The following TNFRSF19 variants were observed in gnomAD, a reference collection of about 807,000 sequenced individuals.
TNFRSF19 encodes the protein tumor necrosis factor receptor superfamily member 19.
TNFRSF19 carries 27 observed loss-of-function variants against 46.4 expected under a neutral mutation model. That is an observed-to-expected ratio of 0.58 (90% CI 0.43 to 0.80). The LOEUF is 0.80. Among genes scored for constraint, TNFRSF19 ranks in the 30% least tolerant of loss-of-function variants. The pLI, the probability that TNFRSF19 is intolerant of heterozygous loss-of-function variation, is 0.00. For synonymous variants in TNFRSF19, 204 were observed against 205.0 expected (o/e 1.00, Z 0.04); for missense variants, 511 against 530.8 (o/e 0.96, Z 0.37).
At chr13:23,613,169 T>C (rs1322830375) in intron 3 of TNFRSF19, among the ~76,000 whole-genome samples, 1 of 152,264 alleles carries the variant, frequency 6.6e-6, no homozygotes, top group Non-Finnish European at 1.5e-5. Context: ...AGTTGGTTTA[T>C]TTATTGGATT....
chr13:23,633,465 G>A (rs1396350005), intron 5 of TNFRSF19, among the ~76,000 whole-genome samples: 1 of 152,160 alleles, frequency 6.6e-6, no homozygotes, highest in African/African-American at 2.4e-5. Flanking sequence ...ACCCTCTCAA[G>A]GTTATTTGCT....
intron 5 of TNFRSF19, among the ~76,000 whole-genome samples, chr13:23,628,326 C>A (rs893097284): frequency 6.6e-6 from 1 of 152,198 alleles, no homozygotes. Context: ...CGCTAAAAAT[C>A]TAACATGTCA....
At chr13:23,644,332 A>G (rs1883198881) in intron 5 of TNFRSF19, among the ~76,000 whole-genome samples, 1 of 152,194 alleles carries the variant, frequency 6.6e-6, no homozygotes, top group African/African-American at 2.4e-5. Flanking sequence ...TAACTGAATC[A>G]TGGGGGCAGT....
chr13:23,612,382 T>A (rs1381389510), intron 3 of TNFRSF19, among the ~76,000 whole-genome samples: 1 of 152,246 alleles, frequency 6.6e-6, no homozygotes, highest in African/African-American at 2.4e-5. Context: ...AGTATTTATA[T>A]GTAGTTTACT....
intron 4 of TNFRSF19, among the ~76,000 whole-genome samples, chr13:23,621,647 CA>C (rs1881661239): frequency 6.6e-6 from 1 of 152,136 alleles, no homozygotes; most frequent in Non-Finnish European, 1.5e-5. Flanking sequence ...ACACTGTGTT[CA>C]TTAGGCTAAC....
chr13:23,588,185 A>G (rs909115254), intron 1 of TNFRSF19, among the ~76,000 whole-genome samples: 1 of 152,208 alleles, frequency 6.6e-6, no homozygotes, highest in Non-Finnish European at 1.5e-5. Flanking sequence ...AGGTACTATC[A>G]TTCTGCCCCA....
At chr13:23,587,579 G>C (rs1404507386) in intron 1 of TNFRSF19, among the ~76,000 whole-genome samples, 1 of 152,104 alleles carries the variant, frequency 6.6e-6, no homozygotes, top group Non-Finnish European at 1.5e-5. Flanking sequence ...TCTCTCATCA[G>C]TTTTGTTGAG....
chr13:23,627,126 C>T (rs560364427), intron 5 of TNFRSF19, among the ~76,000 whole-genome samples: 1 of 152,256 alleles, frequency 6.6e-6, no homozygotes, highest in African/African-American at 2.4e-5. Context: ...CTTAGGTCTT[C>T]GTGCCCTGGC....
chr13:23,672,873 C>T (rs1432929631), intron 9 of TNFRSF19, among the ~76,000 whole-genome samples: 1 of 152,166 alleles, frequency 6.6e-6, no homozygotes, highest in East Asian at 1.9e-4. Flanking sequence ...AATCTTATTC[C>T]CAACTATTTC....
chr13:23,594,711 C>T (rs553145092), intron 3 of TNFRSF19, among the ~76,000 whole-genome samples: 3 of 152,346 alleles, frequency 2.0e-5, no homozygotes, highest in Admixed American at 2.0e-4. Context: ...ACGTTCCTGC[C>T]TGCCAGTTCT....
At chr13:23,571,990 C>A (rs921205774) in intron 1 of TNFRSF19, among the ~76,000 whole-genome samples, 1 of 151,880 alleles carries the variant, frequency 6.6e-6, no homozygotes, top group Non-Finnish European at 1.5e-5. Context: ...GACCAGTTAT[C>A]CTTTAGTCTG....
chr13:23,595,136 T>G (rs1490966765), intron 3 of TNFRSF19, among the ~76,000 whole-genome samples: 1 of 152,082 alleles, frequency 6.6e-6, no homozygotes, highest in Non-Finnish European at 1.5e-5. Context: ...GGTAGATAAA[T>G]CCACAAAGAT....
At chr13:23,592,262 A>G (rs1879362953) in intron 2 of TNFRSF19, among the ~76,000 whole-genome samples, 1 of 152,154 alleles carries the variant, frequency 6.6e-6, no homozygotes, top group African/African-American at 2.4e-5. Context: ...TAAGATTTTC[A>G]GCTTCCATTA....
In TNFRSF19 at chr13:23,673,496, C is replaced by A; in HGVS notation, c.*116C>A. ...CATGGCTTCTGGGGCAAAAATAAAT[C>A]TGAACCAAACTGACGGCATTTGAAG... On this transcript the variant is annotated 3_prime_UTR_variant, in exon 10 of 10. Transcript: ENST00000248484. The A allele has an allele frequency of 7.2e-7, 1 of 1,390,964 alleles. No individual in the cohort carries two copies. Among genetic ancestry groups the A allele is most frequent in the Non-Finnish European group, 9.4e-7 (1 of 1,060,362 alleles). The allele number at this position is 1,390,964 out of a possible 1,614,324, so 86.2% of individuals were successfully genotyped here. A position where few individuals can be genotyped will look rare whatever the true frequency, so the allele number is the denominator to read the frequency against.
intron 5 of TNFRSF19, among the ~76,000 whole-genome samples, chr13:23,657,068 A>G (rs959306399): frequency 4.6e-5 from 7 of 152,208 alleles, no homozygotes; most frequent in Non-Finnish European, 1.0e-4. Context: ...TTTTGTGAAT[A>G]TTAAACATGT....
chr13:23,591,749 C>T (rs1402144302), intron 2 of TNFRSF19, among the ~76,000 whole-genome samples: 10 of 135,428 alleles, frequency 7.4e-5, no homozygotes, highest in African/African-American at 8.6e-5. Flanking sequence ...TTTTTTGAGA[C>T]GAAGTTTCGC....
At chr13:23,596,916 A>G (rs879896690) in intron 3 of TNFRSF19, among the ~76,000 whole-genome samples, 9 of 152,224 alleles carry the variant, frequency 5.9e-5, no homozygotes, top group African/African-American at 9.6e-5. Context: ...CCACAGTGCA[A>G]TCAAATTAGA....
chr13:23,588,271 A>G (rs1286068097), intron 1 of TNFRSF19, among the ~76,000 whole-genome samples: 1 of 152,202 alleles, frequency 6.6e-6, no homozygotes, highest in Non-Finnish European at 1.5e-5. Context: ...AGTGGTCTCA[A>G]TAACAACAGC....
At position 23,660,372 on chromosome 13, in the gene TNFRSF19, G is replaced by T. The variant is rs1884279509; in HGVS notation, c.618G>T (p.Leu206=). 1 of 1,613,676 alleles carries T rather than the reference G, an allele frequency of 6.2e-7. No homozygotes were observed. The highest frequency in any genetic ancestry group is 1.1e-5 in the South Asian group (1 of 90,990). ...TTCTCACCCCTCATTTAGGGTCTCT[G>T]CGGTCACAGGACATTCAGTACAACG... is the stretch of plus-strand genomic sequence containing the variant. ...QFMEKKPSWS[L]RSQDIQYNGS... is the part of the protein sequence containing the mutation. The change falls in exon 7 of 10, where the codon CTG becomes CTT. Residue 206 remains leucine (L), a synonymous_variant. Transcript: ENST00000248484.
Sources: allele counts gnomAD v4.1 joint callset (sites outside exome capture counted in the v4.1 genomes callset), GRCh38; gene constraint gnomAD v4.1.1; transcripts MANE v1.5; gene names NCBI Gene and HGNC (gene_info 2026-07-23, HGNC 2026-07-21).